The following ROBO1 variants were observed in gnomAD, a reference collection of about 807,000 sequenced individuals.
ROBO1 encodes the protein roundabout homolog 1.
In ROBO1, 149 loss-of-function variants were observed where a neutral mutation model predicts 195.9. The ratio of observed to expected loss-of-function variants is 0.76; its 90% CI spans 0.67 to 0.87. The LOEUF is 0.87. Ranked by LOEUF, ROBO1 falls within the 40% of genes least tolerant of loss-of-function variation. ROBO1 has a pLI of 0.00. For synonymous variants in ROBO1, 816 were observed against 733.2 expected (o/e 1.11, Z -1.82); for missense variants, 1,933 against 2,068.3 (o/e 0.93, Z 1.27).
At chr3:78,671,254 G>T (rs1444210450) in intron 10 of ROBO1, among the ~76,000 whole-genome samples, 2 of 151,696 alleles carry the variant, frequency 1.3e-5, no homozygotes, top group Admixed American at 6.6e-5. Context: ...CATTGAAGAG[G>T]TGTTCCCATC....
intron 3 of ROBO1, among the ~76,000 whole-genome samples, chr3:78,994,330 G>C (rs2077309331): frequency 6.6e-6 from 1 of 152,134 alleles, no homozygotes; most frequent in Admixed American, 6.6e-5. Context: ...GAGGATGGAA[G>C]CATTTTGGGG....
intron 2 of ROBO1, among the ~76,000 whole-genome samples, chr3:79,259,293 C>T (rs1305524308): frequency 3.3e-5 from 5 of 151,936 alleles, no homozygotes; most frequent in Non-Finnish European, 7.4e-5. Context: ...CAACACCATG[C>T]CCAGTTAGTT....
At chr3:79,335,277 T>A (rs1482044522) in intron 2 of ROBO1, among the ~76,000 whole-genome samples, 1 of 152,176 alleles carries the variant, frequency 6.6e-6, no homozygotes, top group Non-Finnish European at 1.5e-5. Context: ...GAGAAATGAA[T>A]GTATATTCAA....
chr3:79,545,415 C>G (rs1249105908), intron 2 of ROBO1, among the ~76,000 whole-genome samples: 1 of 152,128 alleles, frequency 6.6e-6, no homozygotes, highest in East Asian at 1.9e-4. Context: ...AATAGACAGT[C>G]CCTGCATTTC....
intron 4 of ROBO1, among the ~76,000 whole-genome samples, chr3:78,859,446 G>A (rs780525802): frequency 6.6e-6 from 1 of 152,074 alleles, no homozygotes; most frequent in African/African-American, 2.4e-5. Context: ...TATTTTGAAG[G>A]GTGAAGTTCA....
chr3:78,614,245 T>G (rs2107357504), intron 28 of ROBO1, among the ~76,000 whole-genome samples: 1 of 152,296 alleles, frequency 6.6e-6, no homozygotes, highest in East Asian at 1.9e-4. Context: ...TCAAACACAT[T>G]TACTGTCTTC....
At chr3:79,200,896 T>G (rs1256686822) in intron 2 of ROBO1, among the ~76,000 whole-genome samples, 5 of 152,002 alleles carry the variant, frequency 3.3e-5, no homozygotes, top group Non-Finnish European at 7.4e-5. Context: ...TATGAATCAC[T>G]TTGACATATT....
intron 2 of ROBO1, among the ~76,000 whole-genome samples, chr3:79,557,743 AATATAT>A (rs1304293113): frequency 7.6e-6 from 1 of 130,824 alleles, no homozygotes; most frequent in South Asian, 2.4e-4. Flanking sequence ...AACAAAAAAA[AATATAT>A]ATATATATAT....
chr3:79,526,195 AAAG>A (rs1338449459), intron 2 of ROBO1, among the ~76,000 whole-genome samples: 1 of 152,196 alleles, frequency 6.6e-6, no homozygotes, highest in Non-Finnish European at 1.5e-5. Flanking sequence ...CCTTAAGTAA[AAAG>A]AAATTATGAA....
intron 2 of ROBO1, among the ~76,000 whole-genome samples, chr3:79,550,747 G>T (rs1559985089): frequency 1.3e-5 from 2 of 152,148 alleles, no homozygotes; most frequent in African/African-American, 4.8e-5. Context: ...CACATAAGAA[G>T]ATCCTTCCAA....
Position 78,771,974 on chromosome 3 carries a change from T to C in ROBO1, c.500-25074A>G, listed in dbSNP as rs541052846. On this transcript the variant is annotated intron_variant, in intron 4 of 30. Transcript: ENST00000464233. ...CATTGCTATTAAAACAAGGACTACA[T>C]TGCAAGGGAATATTACATAGGCATT... Among the ~76,000 whole-genome samples, 10 of 152,240 alleles carry C rather than the reference T, an allele frequency of 6.6e-5. No homozygotes were observed. In the South Asian group the frequency reaches 1.7e-3, roughly 25 times the overall value.
At chr3:79,137,263 C>T (rs1318184837) in intron 2 of ROBO1, among the ~76,000 whole-genome samples, 1 of 151,832 alleles carries the variant, frequency 6.6e-6, no homozygotes, top group Non-Finnish European at 1.5e-5. Flanking sequence ...ACGTTGTCTT[C>T]CAATAGTTTT....
At chr3:78,843,454 A>G (rs911754536) in intron 4 of ROBO1, among the ~76,000 whole-genome samples, 4 of 152,074 alleles carry the variant, frequency 2.6e-5, no homozygotes, top group African/African-American at 4.8e-5. Context: ...TTTCTTGTTT[A>G]AATATACTTC....
intron 2 of ROBO1, among the ~76,000 whole-genome samples, chr3:79,542,815 A>T (rs1313081876): frequency 6.6e-6 from 1 of 151,974 alleles, no homozygotes; most frequent in Non-Finnish European, 1.5e-5. Context: ...TTTATTTTTT[A>T]GTTGTCAGGA....
At chr3:79,743,280 T>G (rs1703727327) in intron 1 of ROBO1, among the ~76,000 whole-genome samples, 1 of 152,236 alleles carries the variant, frequency 6.6e-6, no homozygotes, top group Admixed American at 6.5e-5. Context: ...GTTACTTTAC[T>G]GAATACTGTA....
chr3:78,893,507 T>C (rs2037031984), intron 4 of ROBO1, among the ~76,000 whole-genome samples: 1 of 152,208 alleles, frequency 6.6e-6, no homozygotes, highest in African/African-American at 2.4e-5. Flanking sequence ...TATAAATTAC[T>C]CAGTCTTAGA....
Position 79,142,347 on chromosome 3 carries a change from A to G in ROBO1, c.89-16808T>C, listed in dbSNP as rs571271070. ...ACTGGTGGTCAACAGTATAAAACAC[A>G]GTAGGAGGCAGTCCTCTATAAATGT... On this transcript the variant is annotated intron_variant, in intron 2 of 30. Coordinates refer to ENST00000464233, the MANE Select transcript of ROBO1 (RefSeq NM_002941.4). 2.0e-3 allele frequency among the ~76,000 whole-genome samples: 304 copies of G among 152,258 alleles called. 2 individuals are homozygous for G. The highest frequency in any genetic ancestry group is 6.4e-3 in the African/African-American group (268 of 41,568).
At chr3:79,597,304 G>A (rs1433721276) in intron 1 of ROBO1, among the ~76,000 whole-genome samples, 3 of 151,860 alleles carry the variant, frequency 2.0e-5, no homozygotes, top group African/African-American at 4.8e-5. Flanking sequence ...AGCCAAAAGG[G>A]TATAATACCT....
intron 1 of ROBO1, among the ~76,000 whole-genome samples, chr3:79,672,368 A>T (rs1264372915): frequency 6.6e-6 from 1 of 151,906 alleles, no homozygotes; most frequent in East Asian, 1.9e-4. Context: ...AGTTAAATTT[A>T]CATTCTTCAT....
Sources: gnomAD v4.1 joint callset for allele counts (sites outside exome capture counted in the v4.1 genomes callset) on GRCh38, gnomAD v4.1.1 for gene constraint, MANE v1.5 for transcripts, NCBI Gene and HGNC (gene_info 2026-07-23, HGNC 2026-07-21) for gene names.